The following STAU1 variants were observed in gnomAD, a reference collection of about 807,000 sequenced individuals.
The protein encoded by STAU1 is staufen double-stranded RNA binding protein 1, also known as double-stranded RNA-binding protein Staufen homolog 1.
A neutral mutation model predicts 62.9 loss-of-function variants in STAU1; 13 were observed. The observed-to-expected ratio is 0.21, with a 90% CI of 0.13 to 0.33. STAU1 has a LOEUF of 0.33. STAU1 is among the 10% of genes least tolerant of loss of function. STAU1 has a pLI of 1.00. For synonymous variants in STAU1, 269 were observed against 265.1 expected (o/e 1.01, Z -0.14); for missense variants, 571 against 712.1 (o/e 0.80, Z 2.25).
At chr20:49,195,337 A>G in the STAU1 span, among the ~76,000 whole-genome samples, 7 of 151,214 alleles carry the variant, frequency 4.6e-5, no homozygotes, top group Non-Finnish European at 8.8e-5. Flanking sequence ...AGACATGAAG[A>G]CCATCCTGGC....
chr20:49,216,147 C>G, the STAU1 span, among the ~76,000 whole-genome samples: 8 of 151,244 alleles, frequency 5.3e-5, no homozygotes, highest in South Asian at 8.4e-4. Context: ...TCCAGCTATG[C>G]AAGAGGCTGA....
intron 6 of STAU1, among the ~76,000 whole-genome samples, chr20:49,133,231 A>C (rs2092791008): frequency 6.6e-6 from 1 of 152,242 alleles, no homozygotes. Flanking sequence ...CACAGAACAA[A>C]AACATAAAAT....
chr20:49,189,619 CAAAAAAAAA>C (rs71186430), upstream of STAU1, among the ~76,000 whole-genome samples: 1 of 55,348 alleles, frequency 1.8e-5, no homozygotes, highest in Non-Finnish European at 3.4e-5. Flanking sequence ...GACTCTGTCT[CAAAAAAAAA>C]AAAAAAAAAA....
chr20:49,214,479 T>C, the STAU1 span, among the ~76,000 whole-genome samples: 2 of 150,638 alleles, frequency 1.3e-5, no homozygotes, highest in South Asian at 4.2e-4. Context: ...GATTGTGCCA[T>C]TGCATTACAG....
intron 3 of STAU1, chr20:49,159,080 G>A (rs1301989174): frequency 8.8e-6 from 11 of 1,252,208 alleles, no homozygotes; most frequent in South Asian, 1.4e-5. Context: ...GCAGAAGCCT[G>A]CAACGCAGTA....
At chr20:49,126,588 C>CAAAAAA in intron 6 of STAU1, among the ~76,000 whole-genome samples, 2 of 56,348 alleles carry the variant, frequency 3.5e-5, no homozygotes, top group African/African-American at 1.3e-4. Flanking sequence ...AAAAAAAAAA[C>CAAAAAA]AAAAAAAAAA....
chr20:49,219,181 A>G, the STAU1 span: 1 of 618,656 alleles, frequency 1.6e-6, no homozygotes, highest in East Asian at 2.8e-5. Context: ...TCACCCTTCC[A>G]CCCTCCTCAA....
chr20:49,174,797 C>T (rs904136436), intron 1 of STAU1, among the ~76,000 whole-genome samples: 4 of 152,192 alleles, frequency 2.6e-5, no homozygotes, highest in Middle Eastern at 3.4e-3. Context: ...ATTAGCCAGG[C>T]GTGATGGCGG....
intron 1 of STAU1, among the ~76,000 whole-genome samples, chr20:49,187,353 C>T (rs961014525): frequency 6.6e-6 from 1 of 152,140 alleles, no homozygotes; most frequent in Admixed American, 6.6e-5. Context: ...AAGCGTACGC[C>T]CCTTTCAGAT....
At chr20:49,174,379 G>A (rs2093632930) in intron 1 of STAU1, 110 bp from the exon 2 acceptor site, 1 of 152,186 alleles carries the variant, frequency 6.6e-6, no homozygotes, top group South Asian at 2.1e-4. Context: ...AGGGAAGACT[G>A]AAGGCATGAC....
At chr20:49,166,954 A>G (rs2093535222) in intron 2 of STAU1, among the ~76,000 whole-genome samples, 1 of 152,206 alleles carries the variant, frequency 6.6e-6, no homozygotes, top group Non-Finnish European at 1.5e-5. Context: ...TGTGAGTAAC[A>G]AAGACCATAC....
intron 9 of STAU1, 120 bp downstream of exon 9, chr20:49,119,862 A>G: frequency 7.3e-6 from 9 of 1,225,314 alleles, no homozygotes; most frequent in Non-Finnish European, 1.0e-5. Flanking sequence ...ACTCCTCAGC[A>G]GGACTCCTTG....
the STAU1 span, among the ~76,000 whole-genome samples, chr20:49,201,969 C>T: frequency 6.6e-6 from 1 of 151,896 alleles, no homozygotes; most frequent in African/African-American, 2.4e-5. Context: ...GCCTGTAATC[C>T]CAGCACTTTG....
chr20:49,121,303 G>A (rs929314232), intron 8 of STAU1, among the ~76,000 whole-genome samples: 7 of 152,110 alleles, frequency 4.6e-5, no homozygotes, highest in African/African-American at 9.7e-5. Context: ...AGCTACTCGG[G>A]AGGCTGAGGC....
intron 1 of STAU1, among the ~76,000 whole-genome samples, chr20:49,177,045 G>A (rs2093668623): frequency 6.6e-6 from 1 of 151,806 alleles, no homozygotes; most frequent in Admixed American, 6.6e-5. Flanking sequence ...CCGAGTAGCT[G>A]GGATTACAGG....
At chr20:49,115,920 C>G in intron 12 of STAU1, 53 bp from the exon 13 acceptor site, 1 of 1,508,208 alleles carries the variant, frequency 6.6e-7, no homozygotes, top group Non-Finnish European at 9.2e-7. Flanking sequence ...GGGACCACAG[C>G]ATAATACACT....
chr20:49,164,503 CT>C (rs1408017229), intron 3 of STAU1, among the ~76,000 whole-genome samples: 2 of 151,488 alleles, frequency 1.3e-5, no homozygotes, highest in African/African-American at 2.4e-5. Context: ...GTTGCCCAGG[CT>C]GGTCTCCAAC....
At chr20:49,136,277 TGG>T (rs2092881148) in intron 5 of STAU1, among the ~76,000 whole-genome samples, 1 of 152,170 alleles carries the variant, frequency 6.6e-6, no homozygotes, top group Non-Finnish European at 1.5e-5. Context: ...CACTCCAGCC[TGG>T]GTGACACAGC....
the STAU1 span, among the ~76,000 whole-genome samples, chr20:49,194,384 G>T: frequency 6.9e-6 from 1 of 145,364 alleles, no homozygotes. Flanking sequence ...AGCCAAAATC[G>T]TGCCATTGCA....
Sources: gnomAD v4.1 joint callset for allele counts (sites outside exome capture counted in the v4.1 genomes callset) on GRCh38, gnomAD v4.1.1 for gene constraint, MANE v1.5 for transcripts, NCBI Gene and HGNC (gene_info 2026-07-23, HGNC 2026-07-21) for gene names.